PPP1R9A: variants seen among roughly 807,000 people sequenced by gnomAD.
The protein encoded by PPP1R9A is neurabin-1.
In PPP1R9A, 59 loss-of-function variants were observed where a neutral mutation model predicts 141.9. That is an observed-to-expected ratio of 0.42 (90% CI 0.34 to 0.52). PPP1R9A has a LOEUF of 0.52. Among genes scored for constraint, PPP1R9A ranks in the 20% least tolerant of loss-of-function variants. The pLI is 0.10. For synonymous variants in PPP1R9A, 500 were observed against 569.7 expected (o/e 0.88, Z 1.74); for missense variants, 1,444 against 1,611.9 (o/e 0.90, Z 1.78).
intron 2 of PPP1R9A, among the ~76,000 whole-genome samples, chr7:95,107,685 C>A (rs1402681057): frequency 1.3e-5 from 2 of 152,088 alleles, no homozygotes; most frequent in African/African-American, 2.4e-5. Flanking sequence ...AACTATATTG[C>A]CTTAATAAGC....
chr7:95,006,460 C>G (rs1344893944), intron 2 of PPP1R9A, among the ~76,000 whole-genome samples: 2 of 152,010 alleles, frequency 1.3e-5, no homozygotes, highest in African/African-American at 4.8e-5. Context: ...ATTCACCTGC[C>G]TCAGCCTCCC....
intron 4 of PPP1R9A, among the ~76,000 whole-genome samples, chr7:95,157,265 C>CG (rs1380331259): frequency 3.3e-5 from 5 of 152,120 alleles, no homozygotes; most frequent in Admixed American, 2.0e-4. Flanking sequence ...CTCTCCCCCC[C>CG]CAGAGTGCAG....
chr7:95,249,286 AC>A (rs1798555128), intron 9 of PPP1R9A, among the ~76,000 whole-genome samples: 2 of 152,308 alleles, frequency 1.3e-5, no homozygotes, highest in East Asian at 3.9e-4. Context: ...GAAATTCATT[AC>A]ACTACATGTA....
intron 2 of PPP1R9A, among the ~76,000 whole-genome samples, chr7:94,967,590 G>A (rs1012452133): frequency 2.6e-5 from 4 of 152,050 alleles, no homozygotes; most frequent in African/African-American, 7.2e-5. Flanking sequence ...TAGTCATTCA[G>A]GAGCAGGTTG....
At chr7:94,965,115 C>T (rs553613902) in intron 2 of PPP1R9A, among the ~76,000 whole-genome samples, 1 of 150,978 alleles carries the variant, frequency 6.6e-6, no homozygotes, top group Non-Finnish European at 1.5e-5. Flanking sequence ...AAAATATCTT[C>T]TTTTGAAAAG....
At chr7:95,260,511 T>C (rs766959036) in intron 12 of PPP1R9A, among the ~76,000 whole-genome samples, 25 of 152,156 alleles carry the variant, frequency 1.6e-4, no homozygotes, top group Non-Finnish European at 2.5e-4. Context: ...AAACCCTGTC[T>C]CTACTAAAAA....
At chr7:95,071,681 A>G (rs1446482205) in intron 2 of PPP1R9A, among the ~76,000 whole-genome samples, 2 of 152,004 alleles carry the variant, frequency 1.3e-5, no homozygotes, top group African/African-American at 2.4e-5. Flanking sequence ...TTTATTATAA[A>G]AGAAAGAATA....
rs1474089200 is a variant in PPP1R9A at position 94,972,114 on chromosome 7, A to G, written c.1395+60606A>G. ...GGCACACATAGAAGGTGGCTGTGGGATGTGAATAATAATGCCTAATTTTAA... is the reference window on the plus strand; with the variant it reads ...GGCACACATAGAAGGTGGCTGTGGGGTGTGAATAATAATGCCTAATTTTAA... On this transcript the variant is annotated intron_variant, in intron 2 of 19. Coordinates refer to ENST00000433360, the MANE Select transcript of PPP1R9A (RefSeq NM_001166160.2). Among the ~76,000 whole-genome samples, 5 of 152,340 alleles carry G rather than the reference A, an allele frequency of 3.3e-5. No homozygotes were observed. The East Asian group carries it at 9.6e-4, about 29-fold the overall frequency.
At chr7:95,078,809 C>T (rs1462799825) in intron 2 of PPP1R9A, among the ~76,000 whole-genome samples, 6 of 151,412 alleles carry the variant, frequency 4.0e-5, no homozygotes, top group Admixed American at 3.9e-4. Flanking sequence ...TGTCCTTCGC[C>T]CACTTTTTGA....
rs555662889 is a variant in PPP1R9A, at chr7:95,202,593, A to G, written c.1891-1072A>G. Reference sequence around the variant, plus strand: ...AAGGTTGCCATGGAGGATTTCAATAAATCTCTCAGACAATCAGCACTATTT... The same window carrying G: ...AAGGTTGCCATGGAGGATTTCAATAGATCTCTCAGACAATCAGCACTATTT... On this transcript the variant is annotated intron_variant, in intron 6 of 19. Transcript: ENST00000433360. The G allele has an allele frequency of 1.5e-5, 14 of 912,422 alleles. No homozygotes were observed. In the South Asian group the frequency reaches 6.1e-4, roughly 40 times the overall value. 56.5% of individuals were successfully genotyped at this position (912,422 alleles called of 1,614,324 possible).
chr7:95,004,495 T>G (rs1803342309), intron 2 of PPP1R9A, among the ~76,000 whole-genome samples: 1 of 152,164 alleles, frequency 6.6e-6, no homozygotes, highest in Admixed American at 6.5e-5. Flanking sequence ...TTAAATTAAC[T>G]AATCTATGAG....
At chr7:95,210,054 C>A (rs897515427) in intron 7 of PPP1R9A, among the ~76,000 whole-genome samples, 1 of 152,018 alleles carries the variant, frequency 6.6e-6, no homozygotes, top group Admixed American at 6.6e-5. Flanking sequence ...GTCTGTCGAC[C>A]GTTTAGTTCA....
intron 14 of PPP1R9A, among the ~76,000 whole-genome samples, chr7:95,273,437 A>G (rs899911602): frequency 6.6e-6 from 1 of 152,198 alleles, no homozygotes; most frequent in Non-Finnish European, 1.5e-5. Context: ...CCAGACTCTC[A>G]GAGGTGATAT....
chr7:95,004,509 C>T (rs149004543), intron 2 of PPP1R9A, among the ~76,000 whole-genome samples: 9 of 152,134 alleles, frequency 5.9e-5, no homozygotes, highest in African/African-American at 1.4e-4. Context: ...CTATGAGTAC[C>T]GACTTAATGA....
chr7:94,969,012 T>C (rs563205905), intron 2 of PPP1R9A, among the ~76,000 whole-genome samples: 9 of 152,230 alleles, frequency 5.9e-5, no homozygotes, highest in African/African-American at 1.7e-4. Flanking sequence ...TGTTCCTCTC[T>C]AAACTGGTTA....
At chr7:95,161,137 A>G (rs987683646) in intron 4 of PPP1R9A, among the ~76,000 whole-genome samples, 1 of 151,838 alleles carries the variant, frequency 6.6e-6, no homozygotes, top group Non-Finnish European at 1.5e-5. Flanking sequence ...ATTCCTCCCA[A>G]TAGTGGATAA....
intron 5 of PPP1R9A, among the ~76,000 whole-genome samples, chr7:95,165,630 A>G (rs1205028613): frequency 6.6e-6 from 1 of 152,252 alleles, no homozygotes; most frequent in African/African-American, 2.4e-5. Context: ...AATTTGTATC[A>G]GCAGCTACAA....
At chr7:94,936,632 T>C (rs943261809) in intron 2 of PPP1R9A, among the ~76,000 whole-genome samples, 2 of 150,124 alleles carry the variant, frequency 1.3e-5, no homozygotes, top group Non-Finnish European at 3.0e-5. Context: ...TTTCACTAAG[T>C]ATGGGGAGAC....
intron 2 of PPP1R9A, among the ~76,000 whole-genome samples, chr7:95,081,958 A>C (rs1584592282): frequency 6.6e-6 from 1 of 152,168 alleles, no homozygotes; most frequent in Admixed American, 6.5e-5. Context: ...GAAAACCACC[A>C]CCTTGGCAGC....
Sources: gnomAD v4.1 joint callset for allele counts (sites outside exome capture counted in the v4.1 genomes callset) on GRCh38, gnomAD v4.1.1 for gene constraint, MANE v1.5 for transcripts, NCBI Gene and HGNC (gene_info 2026-07-23, HGNC 2026-07-21) for gene names.